The following TSHZ2 variants were observed in gnomAD, a reference collection of about 807,000 sequenced individuals.
TSHZ2 encodes teashirt zinc finger homeobox 2.
A neutral mutation model predicts 74.4 loss-of-function variants in TSHZ2; 21 were observed. That is an observed-to-expected ratio of 0.28 (90% CI 0.20 to 0.41). TSHZ2 has a LOEUF of 0.41. Ranked by LOEUF, TSHZ2 falls within the 10% of genes least tolerant of loss-of-function variation. TSHZ2 has a pLI of 1.00. For missense variants in TSHZ2, 1,244 were observed against 1,293.5 expected (o/e 0.96, Z 0.59); for synonymous variants, 540 against 515.3 (o/e 1.05, Z -0.65).
intron 2 of TSHZ2, among the ~76,000 whole-genome samples, chr20:53,289,778 G>A (rs1048043488): frequency 1.3e-5 from 2 of 152,152 alleles, no homozygotes; most frequent in Admixed American, 6.6e-5. Context: ...TTCTAATTCT[G>A]ATGGCAATTA....
intron 2 of TSHZ2, among the ~76,000 whole-genome samples, chr20:53,357,470 G>C (rs1980887846): frequency 6.6e-6 from 1 of 151,752 alleles, no homozygotes. Flanking sequence ...TTCAAGACCA[G>C]CCTGGGCAAC....
At position 53,490,091 on chromosome 20, in the gene TSHZ2, G is replaced by A. The variant is rs974120144; in HGVS notation, c.*2956G>A. The A allele has an allele frequency of 1.3e-5, 2 of 152,170 alleles. No homozygotes were observed. The highest frequency in any genetic ancestry group is 4.8e-5 in the African/African-American group (2 of 41,414). 9.4% of individuals were successfully genotyped at this position (152,170 alleles called of 1,614,324 possible). On this transcript the variant is annotated 3_prime_UTR_variant, in exon 3 of 3. Transcript: ENST00000371497. ...CACCTCTTGGTACCAGTGAGAGCGAGAGATTGCCTTTTCTTCCCCATCCCT... is the reference window on the plus strand; with the variant it reads ...CACCTCTTGGTACCAGTGAGAGCGAAAGATTGCCTTTTCTTCCCCATCCCT...
intron 1 of TSHZ2, among the ~76,000 whole-genome samples, chr20:53,228,024 T>G (rs961155572): frequency 1.1e-4 from 17 of 149,588 alleles, no homozygotes; most frequent in Admixed American, 4.6e-4. Flanking sequence ...ATGGTGTTTT[T>G]TTTTTTTTTT....
At chr20:53,042,833 A>G (rs1303308322) in intron 1 of TSHZ2, among the ~76,000 whole-genome samples, 1 of 152,212 alleles carries the variant, frequency 6.6e-6, no homozygotes, top group African/African-American at 2.4e-5. Context: ...CGATCCAGCA[A>G]TTCCACTAGA....
chr20:53,238,869 G>A (rs1427172765), intron 1 of TSHZ2, among the ~76,000 whole-genome samples: 7 of 142,180 alleles, frequency 4.9e-5, no homozygotes, highest in Admixed American at 2.1e-4. Context: ...AAAGAGCTAC[G>A]CTACCTACTT....
intron 2 of TSHZ2, among the ~76,000 whole-genome samples, chr20:53,303,552 A>C (rs1223160214): frequency 2.0e-5 from 3 of 152,234 alleles, no homozygotes; most frequent in Non-Finnish European, 4.4e-5. Context: ...CAGCCTGTGC[A>C]GATATGCTCA....
chr20:53,462,286 A>G (rs1427631720), intron 2 of TSHZ2, among the ~76,000 whole-genome samples: 1 of 152,102 alleles, frequency 6.6e-6, no homozygotes, highest in Non-Finnish European at 1.5e-5. Flanking sequence ...TCATTTTCTT[A>G]TAAGGACACC....
rs554631886 is a variant in TSHZ2 at position 53,037,959 on chromosome 20, G to C, written c.40+64626G>C. 3.8e-4 allele frequency among the ~76,000 whole-genome samples: 58 copies of C among 152,084 alleles called. 1 individual carries two copies. The Middle Eastern group carries it at 0.014, about 36-fold the overall frequency. The stretch of plus-strand genomic sequence containing the variant: ...TTGGTTGGGTCTCCACATGCGCTCA[G>C]GTAAATCTCAGTCTGTCGCTCATGC... On this transcript the variant is annotated intron_variant, in intron 1 of 2. Coordinates refer to ENST00000371497, the MANE Select transcript of TSHZ2 (RefSeq NM_173485.6).
chr20:53,033,703 A>T (rs965672580), intron 1 of TSHZ2, among the ~76,000 whole-genome samples: 27 of 112,392 alleles, frequency 2.4e-4, no homozygotes, highest in African/African-American at 8.9e-4. Flanking sequence ...TGTGTCACCC[A>T]GGCTGGAGTG....
At chr20:53,154,669 A>G (rs913487503) in intron 1 of TSHZ2, among the ~76,000 whole-genome samples, 1 of 152,208 alleles carries the variant, frequency 6.6e-6, no homozygotes, top group African/African-American at 2.4e-5. Flanking sequence ...AGAGGTAACT[A>G]TGAGAGCTGG....
rs976339182 is a variant in TSHZ2 at position 53,255,948 on chromosome 20, T to C, written c.2490T>C (p.Asp830=). The C allele has an allele frequency of 6.2e-7, 1 of 1,614,036 alleles. No homozygotes were observed. The highest frequency in any genetic ancestry group is 1.1e-5 in the South Asian group (1 of 91,080). ...KLEMDVRRFE[D]VSSEVSTLHK... is the part of the protein sequence containing the mutation. ...AAATGGATGTCAGGCGCTTTGAGGA[T>C]GTCTCCAGTGAAGTCTCAACTTTGC... Residue 830 remains aspartate, a synonymous_variant, in exon 2 of 3, where the codon GAT becomes GAC. Transcript: ENST00000371497. The surrounding 1 kb of genome is among the most constrained non-coding windows in gnomAD (Gnocchi z 4.1).
chr20:53,113,107 G>T (rs939635340), intron 1 of TSHZ2, among the ~76,000 whole-genome samples: 1 of 152,250 alleles, frequency 6.6e-6, no homozygotes, highest in African/African-American at 2.4e-5. Context: ...CTTTGCCATG[G>T]AGGCGGACTG....
Position 53,431,263 on chromosome 20 carries a change from C to T in TSHZ2, c.*9-55881C>T, listed in dbSNP as rs145059737. Among the ~76,000 whole-genome samples the T allele has an allele frequency of 1.2e-3, 178 of 152,084 alleles. 1 individual carries two copies. Among genetic ancestry groups the T allele is most frequent in the African/African-American group, 4.1e-3 (170 of 41,502 alleles). On this transcript the variant is annotated intron_variant, in intron 2 of 2. Coordinates refer to ENST00000371497, the MANE Select transcript of TSHZ2 (RefSeq NM_173485.6). ...CTTGAGGTCAGGAGTCCTAGACCAG[C>T]CTGGCCAGCATGGCGAAACCCCATC... is the stretch of plus-strand genomic sequence containing the variant.
intron 2 of TSHZ2, among the ~76,000 whole-genome samples, chr20:53,418,243 A>C (rs1238686016): frequency 6.6e-6 from 1 of 152,078 alleles, no homozygotes; most frequent in Non-Finnish European, 1.5e-5. Flanking sequence ...GGATCCTACT[A>C]CTTCCCAAGG....
intron 2 of TSHZ2, among the ~76,000 whole-genome samples, chr20:53,309,918 T>C (rs765816012): frequency 5.9e-5 from 9 of 151,972 alleles, no homozygotes; most frequent in Non-Finnish European, 1.0e-4. Flanking sequence ...TGGATAATGC[T>C]TTTAACTCCA....
At chr20:53,340,298 T>C (rs1466897768) in intron 2 of TSHZ2, among the ~76,000 whole-genome samples, 1 of 149,036 alleles carries the variant, frequency 6.7e-6, no homozygotes, top group Non-Finnish European at 1.5e-5. Context: ...TTCTCCTGCC[T>C]CAGCCTCCGA....
At chr20:53,127,047 A>C (rs1986967189) in intron 1 of TSHZ2, among the ~76,000 whole-genome samples, 1 of 152,164 alleles carries the variant, frequency 6.6e-6, no homozygotes, top group Non-Finnish European at 1.5e-5. Context: ...GAAGAGAAAA[A>C]GAAAGAGGGA....
At chr20:53,030,733 C>A (rs1983604630) in intron 1 of TSHZ2, among the ~76,000 whole-genome samples, 1 of 152,236 alleles carries the variant, frequency 6.6e-6, no homozygotes, top group South Asian at 2.1e-4. Context: ...AAATCACCCA[C>A]AGATATCACC....
chr20:53,302,722 C>A (rs1388051033), intron 2 of TSHZ2, among the ~76,000 whole-genome samples: 1 of 152,202 alleles, frequency 6.6e-6, no homozygotes, highest in African/African-American at 2.4e-5. Context: ...AGACACCTTC[C>A]TTTAGTCTCA....
Sources: allele counts gnomAD v4.1 joint callset (sites outside exome capture counted in the v4.1 genomes callset), GRCh38; gene constraint gnomAD v4.1.1; non-coding constraint Gnocchi (gnomAD v3.1); transcripts MANE v1.5; gene names NCBI Gene and HGNC (gene_info 2026-07-23, HGNC 2026-07-21).